The following TMEM123 variants were observed in gnomAD, a reference collection of about 807,000 sequenced individuals.
The protein encoded by TMEM123 is porimin.
TMEM123 carries 16 observed loss-of-function variants against 19.7 expected under a neutral mutation model. The observed-to-expected ratio is 0.81, with a 90% CI of 0.55 to 1.23. The LOEUF (loss-of-function observed/expected upper bound fraction) is 1.23. Ranked by LOEUF, TMEM123 falls within the 50% of genes most tolerant of loss-of-function variation. The pLI, the probability that TMEM123 is intolerant of heterozygous loss-of-function variation, is 0.00. For synonymous variants in TMEM123, 118 were observed against 99.4 expected, an observed-to-expected ratio of 1.19 and a Z score of -1.12; for missense variants, 313 against 257.8, an observed-to-expected ratio of 1.21 and a Z score of -1.47.
Position 102,436,436 on chromosome 11 carries a change from T to G in TMEM123, c.157+12376A>C, listed in dbSNP as rs188179242. Among the ~76,000 whole-genome samples, 260 of 152,106 alleles carry G rather than the reference T, an allele frequency of 1.7e-3. 1 individual carries two copies. Among genetic ancestry groups the G allele is most frequent in the African/African-American group, 6.2e-3 (257 of 41,566 alleles). On this transcript the variant is annotated intron_variant, in intron 2 of 4. Transcript: ENST00000398136. ...CCTCAGCCTCCCAAAGTGCTGGGATTACAGGCGTGAGCCACCGCACCCAGC... is the reference window on the plus strand; with the variant it reads ...CCTCAGCCTCCCAAAGTGCTGGGATGACAGGCGTGAGCCACCGCACCCAGC...
In TMEM123 at chr11:102,423,763, C is replaced by CT. The variant is rs538539812; in HGVS notation, c.158-21558dup. Among the ~76,000 whole-genome samples the CT allele has an allele frequency of 2.5e-3, 382 of 152,186 alleles. 1 individual carries two copies. The highest frequency in any genetic ancestry group is 8.6e-3 in the African/African-American group (357 of 41,518). On this transcript the variant is annotated intron_variant, in intron 2 of 4. Transcript: ENST00000398136. The stretch of plus-strand genomic sequence containing the variant: ...AAGTTGTACAATATTATGTGTATGC[C>CT]TTTTTTGTACAGTCACACCAGCTAA...
chr11:102,431,993 T>C (rs960961146), intron 2 of TMEM123, among the ~76,000 whole-genome samples: 3 of 152,224 alleles, frequency 2.0e-5, no homozygotes, highest in Non-Finnish European at 4.4e-5. Context: ...TCCCTAGCCA[T>C]GTGGAACTGA....
intron 2 of TMEM123, among the ~76,000 whole-genome samples, chr11:102,418,555 C>T (rs180890946): frequency 3.7e-4 from 56 of 152,246 alleles, no homozygotes; most frequent in East Asian, 2.9e-3. Context: ...GCTTATACAC[C>T]GCTGGTGGGA....
intron 4 of TMEM123, among the ~76,000 whole-genome samples, chr11:102,399,509 G>A (rs1951891186): frequency 1.3e-5 from 2 of 152,094 alleles, no homozygotes; most frequent in Non-Finnish European, 2.9e-5. Context: ...GAATGTTTCT[G>A]AATATGCCTT....
intron 2 of TMEM123, among the ~76,000 whole-genome samples, chr11:102,447,722 C>CT (rs1304807864): frequency 2.0e-5 from 3 of 152,164 alleles, no homozygotes; most frequent in African/African-American, 7.2e-5. Context: ...TCCCTCTAGA[C>CT]TTTTTTTCCT....
At chr11:102,416,906 G>A (rs1435694676) in intron 2 of TMEM123, among the ~76,000 whole-genome samples, 1 of 152,050 alleles carries the variant, frequency 6.6e-6, no homozygotes, top group Non-Finnish European at 1.5e-5. Flanking sequence ...GATCATCTCA[G>A]TAAACAAAGA....
intron 4 of TMEM123, among the ~76,000 whole-genome samples, chr11:102,400,160 ATATG>A (rs1482478952): frequency 6.6e-6 from 1 of 152,228 alleles, no homozygotes; most frequent in Non-Finnish European, 1.5e-5. Context: ...GTACTGAATC[ATATG>A]TAGTGTCAAA....
In TMEM123 at chr11:102,397,650, TCTAAAAATTCCTCTCAAA is replaced by T. The variant is rs1425597517; in HGVS notation, c.*1199_*1216del. 6.6e-6 allele frequency: 1 copy of T among 152,222 alleles called. No homozygotes were observed. Among genetic ancestry groups the T allele is most frequent in the Admixed American group, 6.5e-5 (1 of 15,284 alleles). 9.4% of individuals were successfully genotyped at this position (152,222 alleles called of 1,614,324 possible). ...AAATCAGGAAGGAGGAAATGTCCTC[TCTAAAAATTCCTCTCAAA>T]ACTTTCTAAGAATTTATTCTAAAAT... On this transcript the variant is annotated 3_prime_UTR_variant, in exon 5 of 5. Coordinates refer to ENST00000398136, the MANE Select transcript of TMEM123 (RefSeq NM_052932.3).
At chr11:102,432,379 G>T (rs1857720983) in intron 2 of TMEM123, among the ~76,000 whole-genome samples, 1 of 152,202 alleles carries the variant, frequency 6.6e-6, no homozygotes, top group Non-Finnish European at 1.5e-5. Flanking sequence ...GGAACCTGTT[G>T]AGAACTGGAG....
In TMEM123 at chr11:102,421,507, A is replaced by G. The variant is rs1227330687; in HGVS notation, c.158-19301T>C. 3.3e-5 allele frequency among the ~76,000 whole-genome samples: 5 copies of G among 151,676 alleles called. No individual in the cohort carries two copies. The East Asian group carries it at 9.6e-4, about 29-fold the overall frequency. On this transcript the variant is annotated intron_variant, in intron 2 of 4. Transcript: ENST00000398136. ...AAGCTCAAAGCACCACAACAAAGAG[A>G]TATTCAGTCAGCAAAAAAAAAAACT...
intron 2 of TMEM123, among the ~76,000 whole-genome samples, chr11:102,416,744 C>A (rs1342425132): frequency 6.6e-6 from 1 of 152,064 alleles, no homozygotes; most frequent in Non-Finnish European, 1.5e-5. Context: ...ATACAAAAAT[C>A]CTCAAGAAAA....
chr11:102,448,263 A>C lies in TMEM123; in HGVS notation c.157+549T>G, dbSNP rs1278472935. ...TGATGATTTACTACTGATATTGATG[A>C]CATCAGCCTGGTTCTTGCATCTTTC... On this transcript the variant is annotated intron_variant, in intron 2 of 4. Coordinates refer to ENST00000398136, the MANE Select transcript of TMEM123 (RefSeq NM_052932.3). The C allele has an allele frequency of 3.5e-5, 16 of 456,156 alleles. No homozygotes were observed. The Admixed American group carries it at 3.8e-4, about 11-fold the overall frequency. The allele number at this position is 456,156 out of a possible 1,614,324, so 28.3% of individuals were successfully genotyped here.
intron 2 of TMEM123, among the ~76,000 whole-genome samples, chr11:102,409,862 C>CACAA (rs539163884): frequency 6.1e-5 from 9 of 147,806 alleles, no homozygotes; most frequent in South Asian, 4.2e-4. Flanking sequence ...AAGACTCCGT[C>CACAA]ACAAACAAAC....
intron 2 of TMEM123, 129 bp downstream of exon 2, chr11:102,448,683 G>A: frequency 8.9e-6 from 7 of 787,472 alleles, no homozygotes; most frequent in Non-Finnish European, 1.5e-5. Context: ...CAGGTTATTG[G>A]GATTCATGGG....
At chr11:102,432,599 G>C (rs1409728464) in intron 2 of TMEM123, among the ~76,000 whole-genome samples, 3 of 152,232 alleles carry the variant, frequency 2.0e-5, no homozygotes, top group Admixed American at 6.5e-5. Context: ...CCCATTCTCT[G>C]AGGAGAAATT....
chr11:102,405,806 TAAAG>T (rs1386700757), intron 2 of TMEM123, among the ~76,000 whole-genome samples: 2 of 152,206 alleles, frequency 1.3e-5, no homozygotes, highest in Non-Finnish European at 2.9e-5. Context: ...CCAAATGTGC[TAAAG>T]AAACAAAAAA....
chr11:102,402,202 A>T lies in TMEM123; in HGVS notation c.162T>A (p.Thr54=). The change falls in exon 3 of 5, where the codon ACT becomes ACA. Residue 54 remains threonine, a synonymous_variant. Transcript: ENST00000398136. ...TATGGTCAGAAGGCACATGTTGGAG[A>T]GTCTCTGCAATAATATCAAGAAACA... The part of the protein sequence containing the change: ...PHNSSANSTE[T]LQHVPSDHTN... The T allele has an allele frequency of 4.3e-6, 7 of 1,613,120 alleles. No individual in the cohort carries two copies. Among genetic ancestry groups the T allele is most frequent in the Non-Finnish European group, 5.9e-6 (7 of 1,179,346 alleles).
At chr11:102,430,042 TC>T (rs1857675388) in intron 2 of TMEM123, among the ~76,000 whole-genome samples, 1 of 152,104 alleles carries the variant, frequency 6.6e-6, no homozygotes, top group African/African-American at 2.4e-5. Context: ...TCCATCCCCT[TC>T]CCCATGCCAC....
At chr11:102,442,462 T>A (rs994295101) in intron 2 of TMEM123, among the ~76,000 whole-genome samples, 1 of 152,126 alleles carries the variant, frequency 6.6e-6, no homozygotes, top group African/African-American at 2.4e-5. Flanking sequence ...ATAATCTGAA[T>A]AGATGCAGAA....
Sources: gnomAD v4.1 joint callset for allele counts (sites outside exome capture counted in the v4.1 genomes callset) on GRCh38, gnomAD v4.1.1 for gene constraint, MANE v1.5 for transcripts, NCBI Gene and HGNC (gene_info 2026-07-23, HGNC 2026-07-21) for gene names.